NEO1: variants seen among roughly 807,000 people sequenced by gnomAD.
NEO1 encodes the protein neogenin 1.
A neutral mutation model predicts 159.7 loss-of-function variants in NEO1; 63 were observed. The ratio of observed to expected loss-of-function variants is 0.39; its 90% CI spans 0.32 to 0.49. The LOEUF is 0.49. Among genes scored for constraint, NEO1 ranks in the 20% least tolerant of loss-of-function variants. NEO1 has a pLI of 0.85. For missense variants in NEO1, 1,615 were observed against 1,831.0 expected, an observed-to-expected ratio of 0.88 and a Z score of 2.15; for synonymous variants, 633 against 662.0, an observed-to-expected ratio of 0.96 and a Z score of 0.67.
At chr15:73,087,652 T>C (rs541010237) in intron 1 of NEO1, among the ~76,000 whole-genome samples, 2 of 152,180 alleles carry the variant, frequency 1.3e-5, no homozygotes, top group South Asian at 4.1e-4. Context: ...ACTTTCATAA[T>C]CAGAATAATG....
At chr15:73,139,631 C>T (rs1320746517) in intron 5 of NEO1, among the ~76,000 whole-genome samples, 5 of 152,254 alleles carry the variant, frequency 3.3e-5, no homozygotes, top group South Asian at 4.2e-4. Context: ...GCTAAATCTT[C>T]CTGACTGCTT....
intron 5 of NEO1, among the ~76,000 whole-genome samples, chr15:73,174,156 G>C (rs1282185746): frequency 6.6e-6 from 1 of 151,692 alleles, no homozygotes; most frequent in East Asian, 1.9e-4. Context: ...GGGCAAAATA[G>C]GACATTAAAG....
intron 1 of NEO1, among the ~76,000 whole-genome samples, chr15:73,107,408 C>T (rs1363695917): frequency 6.6e-6 from 1 of 152,128 alleles, no homozygotes; most frequent in Non-Finnish European, 1.5e-5. Flanking sequence ...GTCATAATAA[C>T]TGCAGAAGAT....
Position 73,152,576 on chromosome 15 carries a change from G to A in NEO1, c.1015+16549G>A, listed in dbSNP as rs148281807. On this transcript the variant is annotated intron_variant, in intron 5 of 28. Coordinates refer to ENST00000261908, the MANE Select transcript of NEO1 (RefSeq NM_002499.4). ...AGTGTTTCTCTGAGTTCTGTGAGCCGCTCCAGCAAATTAATTGAACCCAGA... is the reference window on the plus strand; with the variant it reads ...AGTGTTTCTCTGAGTTCTGTGAGCCACTCCAGCAAATTAATTGAACCCAGA... Among the ~76,000 whole-genome samples the A allele has an allele frequency of 1.6e-4, 25 of 152,230 alleles. 4 individuals carry two copies. Among genetic ancestry groups the A allele is most frequent in the Admixed American group, 1.2e-3 (18 of 15,278 alleles).
At chr15:73,250,255 A>T (rs959622338) in intron 11 of NEO1, among the ~76,000 whole-genome samples, 1 of 152,244 alleles carries the variant, frequency 6.6e-6, no homozygotes, top group East Asian at 1.9e-4. Flanking sequence ...TGCCAAAGAG[A>T]TTAAGTAGGT....
intron 16 of NEO1, among the ~76,000 whole-genome samples, chr15:73,268,455 T>G (rs889310939): frequency 6.6e-6 from 1 of 152,210 alleles, no homozygotes; most frequent in Non-Finnish European, 1.5e-5. Context: ...CACCTGAAGG[T>G]GCATTTTCTG....
chr15:73,054,031 G>C (rs909072723), intron 1 of NEO1, among the ~76,000 whole-genome samples: 4 of 152,180 alleles, frequency 2.6e-5, no homozygotes, highest in Non-Finnish European at 5.9e-5. Flanking sequence ...TCTCTAAACA[G>C]CTACGTAAAC....
intron 23 of NEO1, among the ~76,000 whole-genome samples, chr15:73,286,512 A>T (rs2041955422): frequency 6.6e-6 from 1 of 152,026 alleles, no homozygotes; most frequent in Non-Finnish European, 1.5e-5. Context: ...AAGTGATCTC[A>T]TCTGCTCCCG....
chr15:73,132,179 T>C lies in NEO1; in HGVS notation c.879-3712T>C, dbSNP rs1026229853. Among the ~76,000 whole-genome samples, 5 of 152,234 alleles carry C rather than the reference T, an allele frequency of 3.3e-5. 1 individual carries two copies. The highest frequency in any genetic ancestry group is 5.9e-5 in the Non-Finnish European group (4 of 68,044). The stretch of plus-strand genomic sequence containing the variant: ...ACACATATAGACAAACCAATTAATA[T>C]TTGTTAAATGAATGAGTAAATCTCT... On this transcript the variant is annotated intron_variant, in intron 4 of 28. Transcript: ENST00000261908.
intron 5 of NEO1, chr15:73,163,010 A>G (rs1306067587): frequency 1.3e-5 from 2 of 153,044 alleles, no homozygotes; most frequent in Non-Finnish European, 2.9e-5. Context: ...GCCACACAGG[A>G]TGGAATCAAA....
At chr15:73,292,366 GA>G (rs1232547342) in intron 25 of NEO1, among the ~76,000 whole-genome samples, 2 of 152,128 alleles carry the variant, frequency 1.3e-5, no homozygotes, top group Non-Finnish European at 2.9e-5. Context: ...TTTGTTTGGA[GA>G]AAAAAAGATT....
chr15:73,080,546 G>A (rs762014310), intron 1 of NEO1, among the ~76,000 whole-genome samples: 2 of 151,000 alleles, frequency 1.3e-5, no homozygotes, highest in Non-Finnish European at 3.0e-5. Flanking sequence ...TCTTCAAAAA[G>A]GCCCTCAAAT....
chr15:73,118,052 G>A (rs1413447428), intron 2 of NEO1, among the ~76,000 whole-genome samples: 1 of 152,002 alleles, frequency 6.6e-6, no homozygotes, highest in East Asian at 1.9e-4. Flanking sequence ...GTCAGTGTCT[G>A]TTTATAATTT....
intron 5 of NEO1, among the ~76,000 whole-genome samples, chr15:73,169,506 C>T (rs2034807680): frequency 6.6e-6 from 1 of 152,036 alleles, no homozygotes; most frequent in East Asian, 1.9e-4. Context: ...ATCCAGAAAA[C>T]ATTTTAAGGG....
At chr15:73,091,418 A>T (rs1423986151) in intron 1 of NEO1, among the ~76,000 whole-genome samples, 2 of 152,168 alleles carry the variant, frequency 1.3e-5, no homozygotes, top group Non-Finnish European at 2.9e-5. Context: ...TATTTTAAAG[A>T]TACATTATTC....
At chr15:73,268,671 A>G (rs925838087) in intron 16 of NEO1, among the ~76,000 whole-genome samples, 2 of 152,206 alleles carry the variant, frequency 1.3e-5, no homozygotes, top group Admixed American at 6.5e-5. Flanking sequence ...TATGTGAGAA[A>G]CCCATTGTAA....
At chr15:73,241,131 G>C (rs2039467403) in intron 8 of NEO1, among the ~76,000 whole-genome samples, 1 of 152,158 alleles carries the variant, frequency 6.6e-6, no homozygotes. Context: ...AGTTGCCAGA[G>C]ATTTCAGAGG....
At chr15:73,069,125 A>ACT (rs1426512209) in intron 1 of NEO1, among the ~76,000 whole-genome samples, 1 of 105,434 alleles carries the variant, frequency 9.5e-6, no homozygotes, top group Non-Finnish European at 1.8e-5. Context: ...TAATTTTTGT[A>ACT]TTTTTTTTTT....
At chr15:73,264,063 T>A (rs1372720073) in intron 15 of NEO1, among the ~76,000 whole-genome samples, 1 of 152,070 alleles carries the variant, frequency 6.6e-6, no homozygotes, top group African/African-American at 2.4e-5. Context: ...GGTGTGTGCT[T>A]CTAGTCCCAG....
Sources: allele counts gnomAD v4.1 joint callset (sites outside exome capture counted in the v4.1 genomes callset), GRCh38; gene constraint gnomAD v4.1.1; transcripts MANE v1.5; gene names NCBI Gene and HGNC (gene_info 2026-07-23, HGNC 2026-07-21).